AUTS2: variants seen among roughly 807,000 people sequenced by gnomAD.
AUTS2 encodes the protein activator of transcription and developmental regulator AUTS2.
Under a neutral mutation model 112.4 loss-of-function variants are expected in AUTS2, and 17 were observed. That is an observed-to-expected ratio of 0.15 (90% confidence interval 0.10 to 0.23). The LOEUF (loss-of-function observed/expected upper bound fraction) is 0.23. Among genes scored for constraint, AUTS2 ranks in the 10% least tolerant of loss-of-function variants. The pLI is 1.00. For missense variants in AUTS2, 1,510 were observed against 1,701.6 expected, an observed-to-expected ratio of 0.89 and a Z score of 1.98; for synonymous variants, 751 against 702.7, an observed-to-expected ratio of 1.07 and a Z score of -1.09.
chr7:70,689,489 G>A (rs541695086), intron 5 of AUTS2, among the ~76,000 whole-genome samples: 78 of 151,874 alleles, frequency 5.1e-4, no homozygotes, highest in Non-Finnish European at 5.4e-4. Context: ...TAAAGATGTC[G>A]TTCCCAGCCA....
intron 2 of AUTS2, among the ~76,000 whole-genome samples, chr7:69,984,669 A>G (rs1798433836): frequency 6.6e-6 from 1 of 152,162 alleles, no homozygotes; most frequent in East Asian, 1.9e-4. Context: ...TCTGAGGTGG[A>G]TAGTCTCTAG....
chr7:69,862,676 GA>G (rs1793042297), intron 1 of AUTS2, among the ~76,000 whole-genome samples: 1 of 152,116 alleles, frequency 6.6e-6, no homozygotes, highest in African/African-American at 2.4e-5. Context: ...TTTCTTTTTA[GA>G]AGGAAGCTTA....
intron 5 of AUTS2, among the ~76,000 whole-genome samples, chr7:70,576,123 T>A (rs1012040254): frequency 6.6e-6 from 1 of 152,088 alleles, no homozygotes; most frequent in Non-Finnish European, 1.5e-5. Context: ...TCTAGGCAGA[T>A]GTACATTTTT....
intron 14 of AUTS2, among the ~76,000 whole-genome samples, chr7:70,777,924 GA>G (rs1563192374): frequency 6.6e-6 from 1 of 152,198 alleles, no homozygotes; most frequent in Non-Finnish European, 1.5e-5. Context: ...ATGGCTGTGG[GA>G]AAATGGTAGA....
chr7:70,762,828 A>ATGTCATTGCCTGTGGTTT, intron 6 of AUTS2, 42 bp from the exon 7 acceptor site: 1 of 1,406,030 alleles, frequency 7.1e-7, no homozygotes, highest in Non-Finnish European at 1.0e-6. Flanking sequence ...CCACACTCGC[A>ATGTCATTGCCTGTGGTTT]TGTCATTGCC....
intron 4 of AUTS2, among the ~76,000 whole-genome samples, chr7:70,163,362 A>G (rs952901376): frequency 0.2 from 383 of 1,874 alleles, no homozygotes; most frequent in African/African-American, 0.23. Flanking sequence ...GGGGGGGCAG[A>G]GGGGGAGGGA....
At chr7:70,468,283 A>G (rs1248482876) in intron 5 of AUTS2, among the ~76,000 whole-genome samples, 1 of 152,158 alleles carries the variant, frequency 6.6e-6, no homozygotes, top group Non-Finnish European at 1.5e-5. Flanking sequence ...CAAGATTAAG[A>G]AAAGGAGGCT....
intron 2 of AUTS2, among the ~76,000 whole-genome samples, chr7:70,109,779 G>A (rs990994652): frequency 1.3e-5 from 2 of 152,072 alleles, no homozygotes; most frequent in African/African-American, 4.8e-5. Flanking sequence ...GGGCATGTCC[G>A]GTCCCTGTCC....
chr7:70,038,493 C>T (rs1338681333), intron 2 of AUTS2, among the ~76,000 whole-genome samples: 1 of 152,068 alleles, frequency 6.6e-6, no homozygotes, highest in African/African-American at 2.4e-5. Context: ...AACACTCTTA[C>T]CTAACTACGC....
chr7:70,618,830 A>G (rs989108778), intron 5 of AUTS2, among the ~76,000 whole-genome samples: 4 of 152,204 alleles, frequency 2.6e-5, no homozygotes, highest in Admixed American at 6.5e-5. Flanking sequence ...GCTCTCGAAC[A>G]GCAGCCCTGT....
chr7:69,805,806 G>A (rs1445886596), intron 1 of AUTS2, among the ~76,000 whole-genome samples: 1 of 152,194 alleles, frequency 6.6e-6, no homozygotes, highest in African/African-American at 2.4e-5. Flanking sequence ...AATATTGGAT[G>A]ATAGTATTTA....
At chr7:70,775,812 T>A (rs1443047577) in intron 13 of AUTS2, among the ~76,000 whole-genome samples, 2 of 152,160 alleles carry the variant, frequency 1.3e-5, no homozygotes, top group Admixed American at 1.3e-4. Context: ...TGACCTCCTT[T>A]TAAGGTGCAG....
chr7:69,868,181 T>TAG (rs1251576652), intron 1 of AUTS2, among the ~76,000 whole-genome samples: 1 of 152,156 alleles, frequency 6.6e-6, no homozygotes, highest in Non-Finnish European at 1.5e-5. Context: ...ATTTATAAGT[T>TAG]AGCTACCTAA....
At chr7:70,163,118 G>A (rs989988279) in intron 4 of AUTS2, among the ~76,000 whole-genome samples, 1 of 151,834 alleles carries the variant, frequency 6.6e-6, no homozygotes, top group African/African-American at 2.4e-5. Flanking sequence ...GAGAGGAGTG[G>A]TGTGCAGCCA....
chr7:69,758,424 A>G (rs1472278863), intron 1 of AUTS2, among the ~76,000 whole-genome samples: 3 of 152,214 alleles, frequency 2.0e-5, no homozygotes, highest in African/African-American at 7.2e-5. Context: ...TAAGTGAATC[A>G]GGGATAAACC....
intron 1 of AUTS2, among the ~76,000 whole-genome samples, chr7:69,611,852 C>T (rs561626286): frequency 1.4e-5 from 2 of 141,064 alleles, no homozygotes; most frequent in South Asian, 2.2e-4. Context: ...ATGGCGTGAA[C>T]CCGGGAAGCG....
chr7:70,140,586 T>TCC (rs1041454738), intron 4 of AUTS2, among the ~76,000 whole-genome samples: 2 of 152,216 alleles, frequency 1.3e-5, no homozygotes, highest in Non-Finnish European at 2.9e-5. Context: ...AAGGATTTTG[T>TCC]AATTCAAGTG....
chr7:69,616,784 G>A (rs1427778775), intron 1 of AUTS2, among the ~76,000 whole-genome samples: 1 of 152,196 alleles, frequency 6.6e-6, no homozygotes, highest in African/African-American at 2.4e-5. Flanking sequence ...AGGGTACGCT[G>A]AGTCATTTGA....
At chr7:70,103,831 AC>A (rs1804625585) in intron 2 of AUTS2, among the ~76,000 whole-genome samples, 1 of 151,484 alleles carries the variant, frequency 6.6e-6, no homozygotes, top group African/African-American at 2.4e-5. Context: ...AATCGCTTGA[AC>A]CTGGGAGGTG....
Sources: gnomAD v4.1 joint callset for allele counts (sites outside exome capture counted in the v4.1 genomes callset) on GRCh38, gnomAD v4.1.1 for gene constraint, MANE v1.5 for transcripts, NCBI Gene and HGNC (gene_info 2026-07-23, HGNC 2026-07-21) for gene names.